UBASH3B: variants seen among roughly 807,000 people sequenced by gnomAD.
The protein encoded by UBASH3B is ubiquitin associated and SH3 domain containing B.
UBASH3B carries 37 observed loss-of-function variants against 83.4 expected under a neutral mutation model. That is an observed-to-expected ratio of 0.44 (90% confidence interval 0.34 to 0.58). The LOEUF (loss-of-function observed/expected upper bound fraction) is 0.58, where lower values mean the gene tolerates loss of function less well. Ranked by LOEUF, UBASH3B falls within the 20% of genes least tolerant of loss-of-function variation. UBASH3B has a pLI of 0.01. For missense variants in UBASH3B, 657 were observed against 827.2 expected, an observed-to-expected ratio of 0.79 and a Z score of 2.52; for synonymous variants, 304 against 318.3, an observed-to-expected ratio of 0.96 and a Z score of 0.48.
chr11:122,723,544 G>A (rs574943058), intron 1 of UBASH3B, among the ~76,000 whole-genome samples: 2 of 152,310 alleles, frequency 1.3e-5, no homozygotes, highest in South Asian at 4.1e-4. Flanking sequence ...GCAGCAATAA[G>A]CAGATTTGGA....
chr11:122,751,465 C>T (rs1861198547), intron 1 of UBASH3B, among the ~76,000 whole-genome samples: 1 of 152,238 alleles, frequency 6.6e-6, no homozygotes, highest in Non-Finnish European at 1.5e-5. Context: ...CAGGGAGATG[C>T]TGGCAGCCTG....
chr11:122,753,279 C>T (rs1169750914), intron 1 of UBASH3B, among the ~76,000 whole-genome samples: 18 of 151,600 alleles, frequency 1.2e-4, no homozygotes, highest in Non-Finnish European at 4.4e-5. Context: ...GGTGAAACCC[C>T]GTCTCTACTA....
At chr11:122,712,101 A>G (rs1398055875) in intron 1 of UBASH3B, among the ~76,000 whole-genome samples, 1 of 151,302 alleles carries the variant, frequency 6.6e-6, no homozygotes, top group Non-Finnish European at 1.5e-5. Flanking sequence ...GGGGGAAAAA[A>G]CTTCTCTGAA....
chr11:122,767,777 C>A (rs1860575776), intron 1 of UBASH3B, among the ~76,000 whole-genome samples: 1 of 152,136 alleles, frequency 6.6e-6, no homozygotes, highest in African/African-American at 2.4e-5. Context: ...GCAGCATTCA[C>A]AGAGGAAGAG....
intron 1 of UBASH3B, among the ~76,000 whole-genome samples, chr11:122,721,379 G>T: frequency 6.6e-6 from 1 of 152,106 alleles, no homozygotes; most frequent in South Asian, 2.1e-4. Flanking sequence ...ACTACGGGGG[G>T]GTGGGAGTGG....
chr11:122,663,164 A>G (rs1863468965), intron 1 of UBASH3B, among the ~76,000 whole-genome samples: 1 of 151,930 alleles, frequency 6.6e-6, no homozygotes, highest in African/African-American at 2.4e-5. Flanking sequence ...TTTAATAGAG[A>G]CATGATTTCA....
intron 1 of UBASH3B, among the ~76,000 whole-genome samples, chr11:122,728,272 G>T (rs1048408580): frequency 2.7e-4 from 41 of 152,332 alleles, no homozygotes; most frequent in African/African-American, 9.6e-4. Flanking sequence ...GCTTCCCTAG[G>T]CTGACCCTGG....
chr11:122,794,625 A>C, intron 6 of UBASH3B, 77 bp from the exon 7 acceptor site: 1 of 1,578,012 alleles, frequency 6.3e-7, no homozygotes, highest in Non-Finnish European at 8.7e-7. Context: ...TAACTCCCAC[A>C]CTCCTGTTGA....
At chr11:122,791,145 A>G (rs1861046609) in intron 6 of UBASH3B, among the ~76,000 whole-genome samples, 1 of 152,210 alleles carries the variant, frequency 6.6e-6, no homozygotes, top group African/African-American at 2.4e-5. Flanking sequence ...CATGTCTCTG[A>G]GAACAATGTC....
intron 1 of UBASH3B, among the ~76,000 whole-genome samples, chr11:122,675,526 C>T (rs1041260180): frequency 1.2e-4 from 19 of 152,312 alleles, no homozygotes; most frequent in Middle Eastern, 3.4e-3. Flanking sequence ...ATCATGAAAT[C>T]AATGGACTGT....
At chr11:122,780,724 G>A (rs1860837875) in intron 4 of UBASH3B, among the ~76,000 whole-genome samples, 1 of 152,212 alleles carries the variant, frequency 6.6e-6, no homozygotes, top group Non-Finnish European at 1.5e-5. Flanking sequence ...CAGGCGGGCG[G>A]GTGGCAGGAG....
At position 122,810,576 on chromosome 11, in the gene UBASH3B, C is replaced by T. The variant is rs1861428972; in HGVS notation, c.*690C>T. 6.6e-6 allele frequency: 1 copy of T among 152,572 alleles called. No individual in the cohort carries two copies. The allele number at this position is 152,572 out of a possible 1,614,324, so 9.5% of individuals were successfully genotyped here. A position where few individuals can be genotyped will look rare whatever the true frequency, so the allele number is the denominator to read the frequency against. ...GCTTCTGTGAAATGGGGAGACAAAG[C>T]ACTTTTGCTCTCCAAAGCACTTTTG... On this transcript the variant is annotated 3_prime_UTR_variant, in exon 14 of 14. Coordinates refer to ENST00000284273, the MANE Select transcript of UBASH3B (RefSeq NM_032873.5).
At chr11:122,676,464 C>T (rs1863669459) in intron 1 of UBASH3B, among the ~76,000 whole-genome samples, 1 of 152,114 alleles carries the variant, frequency 6.6e-6, no homozygotes, top group Non-Finnish European at 1.5e-5. Flanking sequence ...GCTTGAAAAC[C>T]TGGGAGGCAG....
At chr11:122,695,705 T>C (rs887873819) in intron 1 of UBASH3B, among the ~76,000 whole-genome samples, 1 of 152,204 alleles carries the variant, frequency 6.6e-6, no homozygotes, top group Non-Finnish European at 1.5e-5. Context: ...GACCTTCAGT[T>C]ACACAGTGCC....
intron 11 of UBASH3B, among the ~76,000 whole-genome samples, chr11:122,804,889 A>G (rs943873643): frequency 5.9e-5 from 9 of 152,218 alleles, no homozygotes; most frequent in African/African-American, 2.2e-4. Context: ...CATCTTGTGG[A>G]CCAGAAACAA....
intron 1 of UBASH3B, among the ~76,000 whole-genome samples, chr11:122,733,249 A>G (rs1860873812): frequency 6.6e-6 from 1 of 152,332 alleles, no homozygotes; most frequent in Non-Finnish European, 1.5e-5. Flanking sequence ...CTCAAACCCA[A>G]TTAAATTTTA....
chr11:122,695,787 A>C (rs1207896373), intron 1 of UBASH3B, among the ~76,000 whole-genome samples: 5 of 152,114 alleles, frequency 3.3e-5, no homozygotes, highest in Admixed American at 3.3e-4. Context: ...TTTTGCATCA[A>C]CACATTGATT....
intron 1 of UBASH3B, among the ~76,000 whole-genome samples, chr11:122,760,351 GT>G (rs375379374): frequency 9.2e-4 from 132 of 143,678 alleles, no homozygotes; most frequent in African/African-American, 1.9e-3. Context: ...AACAGAGAAA[GT>G]TTTTTTTTTT....
Position 122,791,942 on chromosome 11 carries a change from G to A in UBASH3B, c.980+2634G>A, listed in dbSNP as rs942812725. The stretch of plus-strand genomic sequence containing the variant: ...TGCCTGGCCGCTTGGGCTTAGCACA[G>A]GCCTGGTGTGTTGCAGGGAGAAGCC... On this transcript the variant is annotated intron_variant, in intron 6 of 13. Transcript: ENST00000284273. Among the ~76,000 whole-genome samples the A allele has an allele frequency of 2.6e-5, 4 of 152,236 alleles. No individual in the cohort carries two copies. In the East Asian group the frequency reaches 7.7e-4, roughly 29 times the overall value.
Sources: gnomAD v4.1 joint callset for allele counts (sites outside exome capture counted in the v4.1 genomes callset) on GRCh38, gnomAD v4.1.1 for gene constraint, MANE v1.5 for transcripts, NCBI Gene and HGNC (gene_info 2026-07-23, HGNC 2026-07-21) for gene names.